WDFY1: variants seen among roughly 807,000 people sequenced by gnomAD.
WDFY1 encodes the protein WD repeat and FYVE domain-containing protein 1.
Under a neutral mutation model 56.4 loss-of-function variants are expected in WDFY1, and 32 were observed. The ratio of observed to expected loss-of-function variants is 0.57; its 90% confidence interval spans 0.43 to 0.76. WDFY1 has a LOEUF of 0.76. WDFY1 is among the 30% of genes least tolerant of loss of function. The pLI is 0.00. For missense variants in WDFY1, 480 were observed against 545.7 expected, an observed-to-expected ratio of 0.88 and a Z score of 1.20; for synonymous variants, 192 against 197.3, an observed-to-expected ratio of 0.97 and a Z score of 0.23.
chr2:223,875,604 T>C lies in WDFY1; in HGVS notation c.*3067A>G, dbSNP rs1169330290. On this transcript the variant is annotated 3_prime_UTR_variant, in exon 12 of 12. Transcript: ENST00000233055. Reference sequence around the variant, plus strand: ...TACAAATTTGTTGCACAATTAAACTTCAACTTACTCAAAGAGTTATTGTAT... The same window carrying C: ...TACAAATTTGTTGCACAATTAAACTCCAACTTACTCAAAGAGTTATTGTAT... 1 of 152,230 alleles carries C rather than the reference T, an allele frequency of 6.6e-6. No individual in the cohort carries two copies. The highest frequency in any genetic ancestry group is 1.5e-5 in the Non-Finnish European group (1 of 68,032). 9.4% of individuals were successfully genotyped at this position (152,230 alleles called of 1,614,324 possible).
At chr2:223,884,816 T>G in intron 8 of WDFY1, 67 bp from the exon 9 acceptor site, 1 of 1,397,372 alleles carries the variant, frequency 7.2e-7, no homozygotes, top group Non-Finnish European at 1.0e-6. Context: ...TCAAAATTAA[T>G]ACAACAGTTC....
chr2:223,888,901 C>CT lies in WDFY1; in HGVS notation c.832-4153dup, dbSNP rs71058955. Among the ~76,000 whole-genome samples, 234 of 61,404 alleles carry CT rather than the reference C, an allele frequency of 3.8e-3. 2 individuals carry two copies. The highest frequency in any genetic ancestry group is 0.013 in the African/African-American group (199 of 15,206). 40.3% of individuals were successfully genotyped at this position (61,404 alleles called of 152,430 possible). ...CCGTGCCTGGCCTAAATTCTCAACT[C>CT]TTTTTTTTTTTTTTTTTTTTGAGAT... On this transcript the variant is annotated intron_variant, in intron 8 of 11. Transcript: ENST00000233055.
chr2:223,878,755 A>G, intron 11 of WDFY1, 25 bp from the exon 12 acceptor site: 2 of 1,614,020 alleles, frequency 1.2e-6, no homozygotes, highest in Non-Finnish European at 1.7e-6. Context: ...GAAACGCAGA[A>G]AAGGCAGCAG....
At chr2:223,920,622 G>A (rs1404368058) in intron 1 of WDFY1, among the ~76,000 whole-genome samples, 3 of 152,330 alleles carry the variant, frequency 2.0e-5, no homozygotes, top group Middle Eastern at 3.4e-3. Flanking sequence ...GTGTGAACAC[G>A]CCGGCTGTGG....
chr2:223,889,927 A>T (rs1351640675), intron 8 of WDFY1, among the ~76,000 whole-genome samples: 1 of 152,188 alleles, frequency 6.6e-6, no homozygotes, highest in Non-Finnish European at 1.5e-5. Flanking sequence ...GAGCAACACT[A>T]TCCCTATTTT....
chr2:223,882,522 C>A (rs1346187489), intron 9 of WDFY1, among the ~76,000 whole-genome samples: 4 of 152,194 alleles, frequency 2.6e-5, no homozygotes, highest in Non-Finnish European at 4.4e-5. Flanking sequence ...TTAACACTCA[C>A]AAGATAGACA....
intron 1 of WDFY1, among the ~76,000 whole-genome samples, chr2:223,928,050 G>A (rs2106098388): frequency 6.6e-6 from 1 of 152,274 alleles, no homozygotes; most frequent in East Asian, 1.9e-4. Context: ...GCCATCTTAT[G>A]TGGGCACAGT....
intron 8 of WDFY1, among the ~76,000 whole-genome samples, chr2:223,886,921 G>C (rs948471927): frequency 6.6e-6 from 1 of 151,756 alleles, no homozygotes; most frequent in African/African-American, 2.4e-5. Context: ...TCTTATTTTA[G>C]ATCGGTCACT....
chr2:223,901,400 C>T (rs1693506328), intron 4 of WDFY1, 67 bp from the exon 5 acceptor site: 3 of 1,568,328 alleles, frequency 1.9e-6, no homozygotes, highest in East Asian at 2.3e-5. Flanking sequence ...AGAACTGAGG[C>T]TCAACCTCTC....
chr2:223,884,861 T>TCTTCTTC, intron 8 of WDFY1, 112 bp from the exon 9 acceptor site: 2 of 780,636 alleles, frequency 2.6e-6, no homozygotes, highest in South Asian at 3.8e-5. Context: ...CTTTTCTTCT[T>TCTTCTTC]TTTTTTTTTT....
intron 8 of WDFY1, among the ~76,000 whole-genome samples, chr2:223,885,317 A>T (rs1216566492): frequency 6.6e-6 from 1 of 152,024 alleles, no homozygotes; most frequent in Non-Finnish European, 1.5e-5. Context: ...CAGCCTCCCG[A>T]ATAGCTGGGA....
chr2:223,931,955 G>C (rs1340349208), intron 1 of WDFY1, among the ~76,000 whole-genome samples: 4 of 151,614 alleles, frequency 2.6e-5, no homozygotes, highest in African/African-American at 9.7e-5. Flanking sequence ...CAAAGTGCTG[G>C]GATTACAGGC....
chr2:223,917,641 T>C (rs1406861435), intron 2 of WDFY1, among the ~76,000 whole-genome samples: 1 of 152,132 alleles, frequency 6.6e-6, no homozygotes, highest in East Asian at 1.9e-4. Flanking sequence ...TGGAGCAACC[T>C]TGACCCATTG....
intron 2 of WDFY1, among the ~76,000 whole-genome samples, chr2:223,913,548 GAT>G (rs1693738768): frequency 6.6e-6 from 1 of 152,078 alleles, no homozygotes; most frequent in Admixed American, 6.6e-5. Flanking sequence ...TGACCACAAA[GAT>G]ATATATACAT....
chr2:223,884,869 T>A, intron 8 of WDFY1, 120 bp from the exon 9 acceptor site: 2 of 922,050 alleles, frequency 2.2e-6, no homozygotes, highest in East Asian at 5.1e-5. Context: ...CTTTTTTTTT[T>A]TTTTTTGGTC....
chr2:223,945,128 C>T lies in WDFY1; in HGVS notation c.137+20G>A, dbSNP rs530443812. 10 of 1,573,374 alleles carry T rather than the reference C, an allele frequency of 6.4e-6. No homozygotes were observed. The South Asian group carries it at 8.0e-5, about 13-fold the overall frequency. On this transcript the variant is annotated intron_variant, in intron 1 of 11. Transcript: ENST00000233055. ...CGTCGTCGCGGAGTTCGGGCCGCCC[C>T]GGCTGCGCCCGGGCCCTACCTGTCC... is the stretch of plus-strand genomic sequence containing the variant.
intron 1 of WDFY1, among the ~76,000 whole-genome samples, chr2:223,926,621 G>A (rs1693984366): frequency 6.6e-6 from 1 of 151,234 alleles, no homozygotes; most frequent in Admixed American, 6.6e-5. Flanking sequence ...ATATATATGT[G>A]TGTGTATTTC....
chr2:223,895,696 G>C (rs1574762904), intron 6 of WDFY1, 66 bp from the exon 7 acceptor site: 1 of 1,580,116 alleles, frequency 6.3e-7, no homozygotes, highest in Admixed American at 1.8e-5. Context: ...CTCTACATCA[G>C]GACGTATACA....
chr2:223,931,737 A>G (rs183147534), intron 1 of WDFY1, among the ~76,000 whole-genome samples: 136 of 143,894 alleles, frequency 9.5e-4, no homozygotes, highest in African/African-American at 3.2e-3. Flanking sequence ...CACAGGTTGG[A>G]GGCAGTGGCG....
Sources: gnomAD v4.1 joint callset for allele counts (sites outside exome capture counted in the v4.1 genomes callset) on GRCh38, gnomAD v4.1.1 for gene constraint, MANE v1.5 for transcripts, NCBI Gene and HGNC (gene_info 2026-07-23, HGNC 2026-07-21) for gene names.